Variants in DOCK1 observed in about 807,000 individuals in gnomAD.
DOCK1 encodes the protein dedicator of cytokinesis 1, also known as dedicator of cytokinesis protein 1.
Under a neutral mutation model 262.7 loss-of-function variants are expected in DOCK1, and 138 were observed. That is an observed-to-expected ratio of 0.53 (90% confidence interval 0.46 to 0.61). DOCK1 has a LOEUF of 0.61. DOCK1 is among the 20% of genes least tolerant of loss of function. The pLI is 0.00. For synonymous variants in DOCK1, 866 were observed against 867.4 expected (o/e 1.00, Z 0.03); for missense variants, 1,908 against 2,370.7 (o/e 0.80, Z 4.05).
chr10:127,209,744 C>T (rs1389398487), intron 27 of DOCK1, among the ~76,000 whole-genome samples: 1 of 152,084 alleles, frequency 6.6e-6, no homozygotes, highest in Non-Finnish European at 1.5e-5. Context: ...CAACATGTCC[C>T]ACAAATGGGC....
chr10:127,310,703 A>T (rs955658301), intron 29 of DOCK1, among the ~76,000 whole-genome samples: 6 of 152,214 alleles, frequency 3.9e-5, no homozygotes, highest in Non-Finnish European at 8.8e-5. Flanking sequence ...GCCACAGAGC[A>T]GGCAACGGAC....
chr10:127,164,302 G>A (rs2053885101), intron 27 of DOCK1, among the ~76,000 whole-genome samples: 1 of 149,068 alleles, frequency 6.7e-6, no homozygotes, highest in Admixed American at 6.8e-5. Context: ...TCCTCCCTCA[G>A]CCTCTTGAGC....
intron 43 of DOCK1, among the ~76,000 whole-genome samples, chr10:127,413,547 G>C (rs1305790951): frequency 6.6e-6 from 1 of 152,238 alleles, no homozygotes; most frequent in Non-Finnish European, 1.5e-5. Context: ...CATCCCTGCA[G>C]ACCTGGCAAG....
chr10:127,404,558 C>T (rs1053267339), intron 40 of DOCK1, 129 bp downstream of exon 40: 4 of 793,728 alleles, frequency 5.0e-6, no homozygotes, highest in African/African-American at 1.7e-5. Flanking sequence ...TGCCATAGCT[C>T]GGTGGTTAGC....
intron 29 of DOCK1, among the ~76,000 whole-genome samples, chr10:127,260,993 A>ATC (rs1491538596): frequency 1.0e-4 from 3 of 30,014 alleles, no homozygotes; most frequent in African/African-American, 2.5e-4. Flanking sequence ...ACCCGTGCTC[A>ATC]TGTGTGTGTA....
In DOCK1 at chr10:127,242,919, A is replaced by G. The variant is rs1393209166; in HGVS notation, c.2848-5089A>G. On this transcript the variant is annotated intron_variant, in intron 27 of 51. Transcript: ENST00000623213. The stretch of plus-strand genomic sequence containing the variant: ...CGGGCACCTACCGTCCACACTCGTC[A>G]CTCCTGTGTCTCTGTTTACAGCTCC... Among the ~76,000 whole-genome samples, 7 of 151,774 alleles carry G rather than the reference A, an allele frequency of 4.6e-5. No individual in the cohort carries two copies. In the South Asian group the frequency reaches 1.3e-3, roughly 27 times the overall value.
At chr10:127,375,139 A>C (rs1194623632) in intron 35 of DOCK1, among the ~76,000 whole-genome samples, 1 of 152,160 alleles carries the variant, frequency 6.6e-6, no homozygotes, top group African/African-American at 2.4e-5. Flanking sequence ...AATCCAGGAA[A>C]TCCATTAGTA....
intron 29 of DOCK1, among the ~76,000 whole-genome samples, chr10:127,296,708 C>T (rs1434378491): frequency 6.6e-6 from 1 of 152,088 alleles, no homozygotes; most frequent in African/African-American, 2.4e-5. Flanking sequence ...GATTCCAGGA[C>T]AATGGGATGA....
chr10:126,954,997 C>G (rs1026356374), intron 1 of DOCK1, among the ~76,000 whole-genome samples: 3 of 152,194 alleles, frequency 2.0e-5, no homozygotes. Context: ...GGTTTTTCCG[C>G]GGCTGCACCA....
chr10:127,397,966 A>G (rs181223946), intron 38 of DOCK1, among the ~76,000 whole-genome samples: 53 of 152,254 alleles, frequency 3.5e-4, no homozygotes, highest in African/African-American at 1.2e-3. Context: ...CGACTCCTGT[A>G]TTACACAACA....
intron 27 of DOCK1, among the ~76,000 whole-genome samples, chr10:127,133,098 C>T (rs117478737): frequency 0.018 from 2,775 of 152,252 alleles, 37 homozygotes; most frequent in Non-Finnish European, 0.03. Flanking sequence ...GGGTGTGTTT[C>T]ATTGTGACAA....
intron 23 of DOCK1, among the ~76,000 whole-genome samples, chr10:127,103,295 T>C (rs1043422710): frequency 6.6e-6 from 1 of 152,210 alleles, no homozygotes; most frequent in Non-Finnish European, 1.5e-5. Flanking sequence ...GCCAAGTCAA[T>C]GTGCTGCGAC....
At chr10:126,911,230 G>GTA (rs1217811147) in intron 1 of DOCK1, among the ~76,000 whole-genome samples, 2 of 152,174 alleles carry the variant, frequency 1.3e-5, no homozygotes, top group African/African-American at 4.8e-5. Flanking sequence ...TATTGCTTGT[G>GTA]TAGGTGTGTA....
At chr10:127,389,375 G>A (rs1464881739) in intron 38 of DOCK1, among the ~76,000 whole-genome samples, 1 of 152,328 alleles carries the variant, frequency 6.6e-6, no homozygotes, top group South Asian at 2.1e-4. Flanking sequence ...GGCCACGGCT[G>A]AAGGTTGAGA....
At chr10:127,119,028 G>C (rs1480002983) in intron 25 of DOCK1, among the ~76,000 whole-genome samples, 2 of 147,318 alleles carry the variant, frequency 1.4e-5, no homozygotes, top group Non-Finnish European at 3.0e-5. Flanking sequence ...TTACTCTGGG[G>C]GCTCCAGCTG....
At chr10:127,311,111 T>TG (rs1410596068) in intron 29 of DOCK1, among the ~76,000 whole-genome samples, 3 of 152,178 alleles carry the variant, frequency 2.0e-5, no homozygotes, top group African/African-American at 7.2e-5. Flanking sequence ...ACGAATCGCC[T>TG]GGGGCTCTTT....
intron 1 of DOCK1, among the ~76,000 whole-genome samples, chr10:126,956,742 A>C (rs1240269569): frequency 6.6e-6 from 1 of 152,184 alleles, no homozygotes; most frequent in Non-Finnish European, 1.5e-5. Context: ...ACTGAGCTTC[A>C]CAGAGTTTGT....
chr10:127,363,813 C>T (rs1565028253), intron 33 of DOCK1, among the ~76,000 whole-genome samples: 1 of 152,176 alleles, frequency 6.6e-6, no homozygotes, highest in African/African-American at 2.4e-5. Flanking sequence ...AGTCTCCACA[C>T]TGTGAGTTGA....
At chr10:126,973,614 C>T (rs4075924) in intron 2 of DOCK1, among the ~76,000 whole-genome samples, 13,381 of 152,108 alleles carry the variant, frequency 0.088, 653 homozygotes, top group African/African-American at 0.11. Context: ...AATGAATTTC[C>T]GTTCCTTGAC....
Sources: gnomAD v4.1 joint callset for allele counts (sites outside exome capture counted in the v4.1 genomes callset) on GRCh38, gnomAD v4.1.1 for gene constraint, MANE v1.5 for transcripts, NCBI Gene and HGNC (gene_info 2026-07-23, HGNC 2026-07-21) for gene names.